The following PTPRK variants were observed in gnomAD, a reference collection of about 807,000 sequenced individuals.
The protein encoded by PTPRK is receptor-type tyrosine-protein phosphatase kappa.
PTPRK carries 75 observed loss-of-function variants against 178.0 expected under a neutral mutation model. The ratio of observed to expected loss-of-function variants is 0.42; its 90% confidence interval spans 0.35 to 0.51. The LOEUF is 0.51. PTPRK is among the 20% of genes least tolerant of loss of function. The probability of loss-of-function intolerance (pLI) is 0.02; values close to 1 mark genes in which losing one functional copy is unlikely to be tolerated. For missense variants in PTPRK, 1,441 were observed against 1,797.8 expected (o/e 0.80, Z 3.59); for synonymous variants, 637 against 620.6 (o/e 1.03, Z -0.39).
chr6:128,140,469 C>T (rs543331133), intron 7 of PTPRK, among the ~76,000 whole-genome samples: 1 of 152,012 alleles, frequency 6.6e-6, no homozygotes, highest in African/African-American at 2.4e-5. Context: ...CAGGTCCATC[C>T]CTAGCTTGAA....
In PTPRK at chr6:128,295,370, T is replaced by C. The variant is rs1456926248; in HGVS notation, c.495+26669A>G. On this transcript the variant is annotated intron_variant, in intron 3 of 29. Transcript: ENST00000368226. ...GGAAAAACCATAGGCTGGTAATGGA[T>C]TGCAAGTATTTCTCAAGTGAGTACA... Among the ~76,000 whole-genome samples the C allele has an allele frequency of 2.6e-5, 4 of 152,068 alleles. 1 individual carries two copies. Among genetic ancestry groups the C allele is most frequent in the African/African-American group, 7.2e-5 (3 of 41,410 alleles).
At chr6:128,364,830 G>A (rs967630802) in intron 2 of PTPRK, among the ~76,000 whole-genome samples, 4 of 151,862 alleles carry the variant, frequency 2.6e-5, no homozygotes, top group Non-Finnish European at 5.9e-5. Flanking sequence ...TAACCCAAAC[G>A]CCCATGAAGT....
rs1775875568 is a variant in PTPRK, at chr6:127,985,620, ACTT to A, written c.3251+98_3251+100del. On this transcript the variant is annotated intron_variant, in intron 22 of 29. Coordinates refer to ENST00000368226, the MANE Select transcript of PTPRK (RefSeq NM_002844.4). Reference sequence around the variant, plus strand: ...TTATCTATAATACAAGCAAGCTGGAACTTCGTAAGCACACATTAGTTTTTGTGC... The same window carrying A: ...TTATCTATAATACAAGCAAGCTGGAACGTAAGCACACATTAGTTTTTGTGC... 3 of 1,310,378 alleles carry A rather than the reference ACTT, an allele frequency of 2.3e-6. No homozygotes were observed. In the African/African-American group the frequency reaches 4.4e-5, roughly 19 times the overall value. 81.2% of individuals were successfully genotyped at this position (1,310,378 alleles called of 1,614,324 possible).
In PTPRK at chr6:128,063,297, A is replaced by T. The variant is rs975949764; in HGVS notation, c.2194+1461T>A. On this transcript the variant is annotated intron_variant, in intron 13 of 29. Coordinates refer to ENST00000368226, the MANE Select transcript of PTPRK (RefSeq NM_002844.4). ...GTTTCCAGGATCTCAATCCTCCTAT[A>T]GTTTAAATATCATGTGATATTTGTC... 7.9e-5 allele frequency: 12 copies of T among 152,308 alleles called. No individual in the cohort carries two copies. The South Asian group carries it at 1.0e-3, about 13-fold the overall frequency. 9.4% of individuals were successfully genotyped at this position (152,308 alleles called of 1,614,324 possible).
chr6:128,308,837 C>A (rs997808759), intron 3 of PTPRK, among the ~76,000 whole-genome samples: 1 of 152,140 alleles, frequency 6.6e-6, no homozygotes, highest in Non-Finnish European at 1.5e-5. Context: ...CATAAACTTT[C>A]GCCAAGCTTT....
intron 2 of PTPRK, among the ~76,000 whole-genome samples, chr6:128,365,587 A>G (rs902952840): frequency 6.6e-6 from 1 of 152,118 alleles, no homozygotes; most frequent in African/African-American, 2.4e-5. Context: ...TAAGTTCCTC[A>G]ATCGTAAATG....
rs557912100 is a variant in PTPRK, at chr6:128,300,024, A to G, written c.495+22015T>C. 1.9e-3 allele frequency among the ~76,000 whole-genome samples: 290 copies of G among 152,294 alleles called. 1 individual carries two copies. The highest frequency in any genetic ancestry group is 6.8e-3 in the African/African-American group (282 of 41,552). The stretch of plus-strand genomic sequence containing the variant: ...CTACAATGAACTCAAACAAATTTAC[A>G]AGAAAAAAACAAACAACCCCAACAA... On this transcript the variant is annotated intron_variant, in intron 3 of 29. Transcript: ENST00000368226.
rs541733137 is a variant in PTPRK, at chr6:128,454,563, GATTTACAACC to G, written c.101-56885_101-56876del. Among the ~76,000 whole-genome samples the G allele has an allele frequency of 2.0e-5, 3 of 152,164 alleles. No individual in the cohort carries two copies. In the East Asian group the frequency reaches 5.8e-4, roughly 29 times the overall value. On this transcript the variant is annotated intron_variant, in intron 1 of 29. Transcript: ENST00000368226. ...GTGTACAACGCAGTGGATTTTAGTG[GATTTACAACC>G]ATCATTATTGTCTAACTCCAAAACA...
intron 2 of PTPRK, among the ~76,000 whole-genome samples, chr6:128,381,285 C>A (rs1401869233): frequency 6.6e-6 from 1 of 152,112 alleles, no homozygotes; most frequent in Non-Finnish European, 1.5e-5. Flanking sequence ...AAATAATAAA[C>A]CTTTTCCCAA....
intron 7 of PTPRK, among the ~76,000 whole-genome samples, chr6:128,119,298 AT>A (rs1479398173): frequency 1.3e-5 from 2 of 151,770 alleles, no homozygotes; most frequent in Non-Finnish European, 2.9e-5. Flanking sequence ...CATTCCTTTG[AT>A]TCCTGTTTCT....
intron 7 of PTPRK, among the ~76,000 whole-genome samples, chr6:128,156,339 C>G (rs1247320945): frequency 1.3e-5 from 2 of 151,988 alleles, no homozygotes; most frequent in Non-Finnish European, 1.5e-5. Flanking sequence ...CTACCTGAGA[C>G]TCAGTAATTT....
chr6:128,519,858 G>T lies in PTPRK; in HGVS notation c.100+401C>A, dbSNP rs1858744056. On this transcript the variant is annotated intron_variant, in intron 1 of 29. Coordinates refer to ENST00000368226, the MANE Select transcript of PTPRK (RefSeq NM_002844.4). This position sits in a 1 kb window ranked among gnomAD's most constrained non-coding sequence, Gnocchi z 4.3. ...TCGAATCTCCACATTTCTGACAATGGCTTCCCAGGGAATTTGTTTAAACAC... is the reference window on the plus strand; with the variant it reads ...TCGAATCTCCACATTTCTGACAATGTCTTCCCAGGGAATTTGTTTAAACAC... 6.6e-6 allele frequency among the ~76,000 whole-genome samples: 1 copy of T among 152,204 alleles called. No homozygotes were observed. Among genetic ancestry groups the T allele is most frequent in the African/African-American group, 2.4e-5 (1 of 41,468 alleles).
intron 2 of PTPRK, among the ~76,000 whole-genome samples, chr6:128,347,480 T>C (rs1227548082): frequency 2.0e-5 from 3 of 152,134 alleles, no homozygotes; most frequent in Non-Finnish European, 4.4e-5. Context: ...TGAAGAAGGG[T>C]CAATGTGATA....
chr6:128,287,906 T>C lies in PTPRK; in HGVS notation c.495+34133A>G, dbSNP rs1037932663. Among the ~76,000 whole-genome samples, 15 of 152,182 alleles carry C rather than the reference T, an allele frequency of 9.9e-5. 1 individual carries two copies. The highest frequency in any genetic ancestry group is 7.9e-4 in the Admixed American group (12 of 15,262). ...AGTTTCTTTCATTTTTTAAAAAGCC[T>C]TCTGATCATGATTATCCTGTGGCTA... On this transcript the variant is annotated intron_variant, in intron 3 of 29. Coordinates refer to ENST00000368226, the MANE Select transcript of PTPRK (RefSeq NM_002844.4).
chr6:128,354,231 G>GTTTTGTTT (rs1833610167), intron 2 of PTPRK, among the ~76,000 whole-genome samples: 1 of 49,358 alleles, frequency 2.0e-5, no homozygotes, highest in Non-Finnish European at 3.2e-5. Flanking sequence ...TTTTGTTTAT[G>GTTTTGTTT]TTTTTTTTTT....
intron 5 of PTPRK, among the ~76,000 whole-genome samples, chr6:128,238,661 A>C (rs1583635929): frequency 6.6e-6 from 1 of 152,230 alleles, no homozygotes; most frequent in South Asian, 2.1e-4. Flanking sequence ...AGGCATAGGA[A>C]GAGAAATAAG....
chr6:128,381,566 G>A (rs1382331201), intron 2 of PTPRK, among the ~76,000 whole-genome samples: 1 of 152,034 alleles, frequency 6.6e-6, no homozygotes, highest in Admixed American at 6.6e-5. Context: ...GTGTCACCTT[G>A]GGCCAGAGGG....
chr6:127,991,848 T>G (rs1021231187), intron 19 of PTPRK, among the ~76,000 whole-genome samples: 1 of 151,620 alleles, frequency 6.6e-6, no homozygotes, highest in Non-Finnish European at 1.5e-5. Flanking sequence ...TATCATAATA[T>G]CTCCAAACTG....
At chr6:128,293,057 T>G (rs1194915556) in intron 3 of PTPRK, among the ~76,000 whole-genome samples, 2 of 151,982 alleles carry the variant, frequency 1.3e-5, no homozygotes, top group Admixed American at 1.3e-4. Flanking sequence ...GCTTTTAGTT[T>G]TTTTCTTTAT....
Sources: gnomAD v4.1 joint callset for allele counts (sites outside exome capture counted in the v4.1 genomes callset) on GRCh38, gnomAD v4.1.1 for gene constraint, Gnocchi (gnomAD v3.1) non-coding constraint, MANE v1.5 for transcripts, NCBI Gene and HGNC (gene_info 2026-07-23, HGNC 2026-07-21) for gene names.